The following TPO variants were observed in gnomAD, a reference collection of about 807,000 sequenced individuals.
The protein encoded by TPO is thyroid peroxidase, also known as thyroid microsomal antigen.
A neutral mutation model predicts 96.9 loss-of-function variants in TPO; 78 were observed. The observed-to-expected ratio is 0.81, with a 90% CI of 0.67 to 0.97. The LOEUF is 0.97. TPO is among the 50% of genes least tolerant of loss of function. The probability of loss-of-function intolerance (pLI) is 0.00; values close to 1 mark genes in which losing one functional copy is unlikely to be tolerated. For synonymous variants in TPO, 547 were observed against 538.0 expected, an observed-to-expected ratio of 1.02 and a Z score of -0.23; for missense variants, 1,252 against 1,274.8, an observed-to-expected ratio of 0.98 and a Z score of 0.27.
chr2:1,516,860 C>T (rs1674765744), intron 14 of TPO, 23 bp from the exon 15 acceptor site: 3 of 1,612,078 alleles, frequency 1.9e-6, no homozygotes, highest in Non-Finnish European at 8.5e-7. Flanking sequence ...GTTCTTCTAA[C>T]CAGGCCTCTT....
intron 1 of TPO, among the ~76,000 whole-genome samples, chr2:1,387,479 A>G (rs1458691279): frequency 2.0e-5 from 3 of 152,146 alleles, no homozygotes; most frequent in Non-Finnish European, 2.9e-5. Context: ...AATCACTGAT[A>G]CCCTTTCTTC....
chr2:1,383,247 G>A (rs1164227541), intron 1 of TPO, among the ~76,000 whole-genome samples: 3 of 152,112 alleles, frequency 2.0e-5, no homozygotes, highest in East Asian at 1.9e-4. Flanking sequence ...ACCCAGTAAT[G>A]GGATGGCTGG....
At chr2:1,453,640 G>T in intron 5 of TPO, 54 bp from the exon 6 acceptor site, 3 of 1,613,304 alleles carry the variant, frequency 1.9e-6, no homozygotes, top group Non-Finnish European at 2.5e-6. Flanking sequence ...GGAACTCACT[G>T]CTTCTGTGTT....
At chr2:1,493,550 G>A (rs1172553414) in intron 10 of TPO, among the ~76,000 whole-genome samples, 2 of 90,990 alleles carry the variant, frequency 2.2e-5, no homozygotes, top group Non-Finnish European at 5.1e-5. Context: ...GGTGGGACAG[G>A]ACTCTGCCCG....
intron 15 of TPO, among the ~76,000 whole-genome samples, chr2:1,527,912 CCCAAT>C: frequency 7.1e-6 from 1 of 140,028 alleles, no homozygotes; most frequent in African/African-American, 2.7e-5. Flanking sequence ...CTCAAATCCC[CCCAAT>C]GTGAGCAACC....
At chr2:1,413,573 C>T (rs755987129) in intron 1 of TPO, 28 bp downstream of exon 1, 4 of 763,344 alleles carry the variant, frequency 5.2e-6, no homozygotes, top group Non-Finnish European at 6.4e-6. Flanking sequence ...TTTATTTTTC[C>T]ATTTTCTAAG....
Position 1,540,791 on chromosome 2 carries a change from G to A in TPO, c.2748+68G>A, listed in dbSNP as rs756723832. The stretch of plus-strand genomic sequence containing the variant: ...GGTTGGACAGGATCTGGGTGTCGGA[G>A]CAGCTCTGCTGGGGCTCCCTGCATA... On this transcript the variant is annotated intron_variant, in intron 16 of 16. Transcript: ENST00000329066. The A allele has an allele frequency of 8.7e-6, 14 of 1,612,336 alleles. No individual in the cohort carries two copies. In the Admixed American group the frequency reaches 1.7e-4, roughly 19 times the overall value.
chr2:1,443,908 G>T (rs371136901), intron 5 of TPO, among the ~76,000 whole-genome samples: 169 of 74,930 alleles, frequency 2.3e-3, no homozygotes, highest in South Asian at 4.2e-3. Flanking sequence ...TGGGGCAGGC[G>T]CCTTCTTGTT....
At chr2:1,383,012 G>A (rs541408938) in intron 1 of TPO, among the ~76,000 whole-genome samples, 16 of 151,904 alleles carry the variant, frequency 1.1e-4, no homozygotes, top group African/African-American at 3.9e-4. Flanking sequence ...TGCTGAGAAT[G>A]ATGGTTTCCA....
chr2:1,468,615 GT>G (rs1669112772), intron 7 of TPO, among the ~76,000 whole-genome samples: 1 of 152,146 alleles, frequency 6.6e-6, no homozygotes, highest in Non-Finnish European at 1.5e-5. Flanking sequence ...GTTACCTGGT[GT>G]TTTTGTTTCA....
chr2:1,392,700 A>T (rs1327460235), intron 1 of TPO, among the ~76,000 whole-genome samples: 1 of 152,026 alleles, frequency 6.6e-6, no homozygotes, highest in Non-Finnish European at 1.5e-5. Flanking sequence ...CGGAGACTCA[A>T]CTTCTTCCTG....
At chr2:1,447,749 G>T (rs958605151) in intron 5 of TPO, among the ~76,000 whole-genome samples, 4 of 152,176 alleles carry the variant, frequency 2.6e-5, no homozygotes, top group African/African-American at 9.7e-5. Context: ...ATGTGTGTGT[G>T]AAAGCATGTG....
chr2:1,537,063 T>G lies in TPO; in HGVS notation c.2619-3531T>G, dbSNP rs57632615. Among the ~76,000 whole-genome samples the G allele has an allele frequency of 2.2e-4, 3 of 13,428 alleles. 1 individual carries two copies. Among genetic ancestry groups the G allele is most frequent in the Non-Finnish European group, 3.4e-4 (3 of 8,862 alleles). 8.8% of individuals were successfully genotyped at this position (13,428 alleles called of 152,430 possible). On this transcript the variant is annotated intron_variant, in intron 15 of 16. Transcript: ENST00000329066. ...ACTGTGTGCAACCTCCCCAAATCCC[T>G]GCCACTGTGTGCAACCTCACCAAAT...
chr2:1,542,802 G>A lies in TPO; in HGVS notation c.*328G>A, dbSNP rs965930358. ...GTCTCCACCTTCTGGCATCTCTGAT[G>A]CCGTGCTCGTCTGCACTCTGCCCCG... On this transcript the variant is annotated 3_prime_UTR_variant, in exon 17 of 17. Transcript: ENST00000329066. 7 of 557,144 alleles carry A rather than the reference G, an allele frequency of 1.3e-5. No individual in the cohort carries two copies. The highest frequency in any genetic ancestry group is 2.1e-5 in the Non-Finnish European group (7 of 333,498). The allele number at this position is 557,144 out of a possible 1,614,324, so 34.5% of individuals were successfully genotyped here. A position where few individuals can be genotyped will look rare whatever the true frequency, so the allele number is the denominator to read the frequency against.
intron 14 of TPO, among the ~76,000 whole-genome samples, chr2:1,514,173 CAG>C (rs1449604856): frequency 1.3e-5 from 2 of 152,152 alleles, no homozygotes; most frequent in East Asian, 3.9e-4. Flanking sequence ...CCAGCTCAAG[CAG>C]AGAGTCAGGA....
At chr2:1,487,284 CCTTT>C (rs1671262039) in intron 9 of TPO, among the ~76,000 whole-genome samples, 2 of 152,112 alleles carry the variant, frequency 1.3e-5, no homozygotes, top group East Asian at 3.9e-4. Context: ...TCTCCAGGCC[CCTTT>C]CTTTCTGAGG....
At chr2:1,424,551 T>G (rs1664124185) in intron 3 of TPO, among the ~76,000 whole-genome samples, 1 of 152,214 alleles carries the variant, frequency 6.6e-6, no homozygotes, top group African/African-American at 2.4e-5. Context: ...AACAGAACCC[T>G]TTTGAAATCA....
intron 15 of TPO, among the ~76,000 whole-genome samples, chr2:1,527,433 G>C (rs1193316512): frequency 1.7e-5 from 2 of 114,478 alleles, no homozygotes; most frequent in Admixed American, 2.2e-4. Context: ...CTCCGCCACT[G>C]TGAGCAACCT....
At chr2:1,450,437 G>A (rs1451881578) in intron 5 of TPO, among the ~76,000 whole-genome samples, 2 of 152,182 alleles carry the variant, frequency 1.3e-5, no homozygotes, top group Non-Finnish European at 2.9e-5. Flanking sequence ...ACAGACCTCA[G>A]TCTCCCTCAT....
Sources: allele counts gnomAD v4.1 joint callset (sites outside exome capture counted in the v4.1 genomes callset), GRCh38; gene constraint gnomAD v4.1.1; transcripts MANE v1.5; gene names NCBI Gene and HGNC (gene_info 2026-07-23, HGNC 2026-07-21).